The following PTH2R variants were observed in gnomAD, a reference collection of about 807,000 sequenced individuals.
The protein encoded by PTH2R is PTH2 receptor.
In PTH2R, 59 loss-of-function variants were observed where a neutral mutation model predicts 60.3. The ratio of observed to expected loss-of-function variants is 0.98; its 90% CI spans 0.79 to 1.22. PTH2R has a LOEUF of 1.22. Among genes scored for constraint, PTH2R ranks in the 50% most tolerant of loss-of-function variants. The probability of loss-of-function intolerance (pLI) is 0.00; values close to 1 mark genes in which losing one functional copy is unlikely to be tolerated. For missense variants in PTH2R, 749 were observed against 682.6 expected, an observed-to-expected ratio of 1.10 and a Z score of -1.08; for synonymous variants, 256 against 243.8, an observed-to-expected ratio of 1.05 and a Z score of -0.47.
At position 208,489,162 on chromosome 2, in the gene PTH2R, T is replaced by C; in HGVS notation, c.1215+12T>C. 6.2e-7 allele frequency: 1 copy of C among 1,613,710 alleles called. No homozygotes were observed. The highest frequency in any genetic ancestry group is 8.5e-7 in the Non-Finnish European group (1 of 1,179,818). ...TCAACTCCTTTCAGGTAAAGGGTGC[T>C]GCCTAGTCATCTGATTCTTGTAATT... On this transcript the variant is annotated intron_variant, in intron 11 of 12. Coordinates refer to ENST00000272847, the MANE Select transcript of PTH2R (RefSeq NM_005048.4).
intron 8 of PTH2R, among the ~76,000 whole-genome samples, chr2:208,459,498 G>C (rs1422518935): frequency 2.0e-5 from 3 of 152,112 alleles, no homozygotes; most frequent in Admixed American, 2.0e-4. Context: ...TAGAATTGCT[G>C]TAATGTCTGT....
Position 208,450,744 on chromosome 2 carries a change from T to G in PTH2R, c.854-5T>G, listed in dbSNP as rs774645661. On this transcript the variant is annotated splice_polypyrimidine_tract_variant and splice_region_variant and intron_variant, in intron 7 of 12. Transcript: ENST00000272847. ...TCTAGTCTCTGAATCATTTTCTGATTTCAGGGTTTCCAGCAGCATTTGTTG... is the reference window on the plus strand; with the variant it reads ...TCTAGTCTCTGAATCATTTTCTGATGTCAGGGTTTCCAGCAGCATTTGTTG... The G allele has an allele frequency of 8.7e-6, 14 of 1,613,666 alleles. No homozygotes were observed. The highest frequency in any genetic ancestry group is 1.2e-5 in the Non-Finnish European group (14 of 1,179,742).
At chr2:208,429,624 A>T (rs1318880791) in intron 2 of PTH2R, among the ~76,000 whole-genome samples, 1 of 152,126 alleles carries the variant, frequency 6.6e-6, no homozygotes, top group African/African-American at 2.4e-5. Flanking sequence ...TTTAATTGTG[A>T]TAAAATATAC....
In PTH2R at chr2:208,407,221, C is replaced by T. The variant is rs1574845349; in HGVS notation, c.75+103C>T. 8.8e-6 allele frequency: 9 copies of T among 1,019,930 alleles called. No homozygotes were observed. In the East Asian group the frequency reaches 2.7e-4, roughly 30 times the overall value. 63.2% of individuals were successfully genotyped at this position (1,019,930 alleles called of 1,614,324 possible). A position where few individuals can be genotyped will look rare whatever the true frequency, so the allele number is the denominator to read the frequency against. On this transcript the variant is annotated intron_variant, in intron 1 of 12. Coordinates refer to ENST00000272847, the MANE Select transcript of PTH2R (RefSeq NM_005048.4). ...GTGCGCGCGAGAGCTCATTCATGTT[C>T]ACACGTCCACAAACGCCCCGGCACG...
chr2:208,428,184 T>C lies in PTH2R; in HGVS notation c.76-17T>C. 6.4e-7 allele frequency: 1 copy of C among 1,570,054 alleles called. No homozygotes were observed. The highest frequency in any genetic ancestry group is 8.7e-7 in the Non-Finnish European group (1 of 1,143,278). On this transcript the variant is annotated splice_polypyrimidine_tract_variant and intron_variant, in intron 1 of 12. Coordinates refer to ENST00000272847, the MANE Select transcript of PTH2R (RefSeq NM_005048.4). ...AAAAACATGATGAAAATGTTTGTAT[T>C]TTGTTCACTTCTACAGCTGGATTCT...
rs1703480192 is a variant in PTH2R at position 208,494,146 on chromosome 2, A to T, written c.*487A>T. 6.6e-6 allele frequency: 1 copy of T among 152,504 alleles called. No individual in the cohort carries two copies. Among genetic ancestry groups the T allele is most frequent in the East Asian group, 1.9e-4 (1 of 5,188 alleles). 9.4% of individuals were successfully genotyped at this position (152,504 alleles called of 1,614,324 possible). Reference sequence around the variant, plus strand: ...AAAAAAATATATGGGAAGATAAAAGATCTAAGAACAAGTACTTGCTGGAAA... The same window carrying T: ...AAAAAAATATATGGGAAGATAAAAGTTCTAAGAACAAGTACTTGCTGGAAA... On this transcript the variant is annotated 3_prime_UTR_variant, in exon 13 of 13. Transcript: ENST00000272847.
chr2:208,481,972 C>A (rs150472804), intron 10 of PTH2R, among the ~76,000 whole-genome samples: 1 of 152,284 alleles, frequency 6.6e-6, no homozygotes, highest in East Asian at 1.9e-4. Flanking sequence ...GTGCATTTTG[C>A]ATAATTATCA....
At chr2:208,362,405 C>CAT (rs1020352754) in intron 1 of PTH2R, among the ~76,000 whole-genome samples, 47 of 152,072 alleles carry the variant, frequency 3.1e-4, no homozygotes, top group African/African-American at 1.0e-3. Flanking sequence ...ATAGATGTCT[C>CAT]ATATATATAT....
At position 208,494,427 on chromosome 2, in the gene PTH2R, A is replaced by G. The variant is rs1046885203; in HGVS notation, c.*768A>G. ...GTATTTTGATAGCAAATCATGCTGC[A>G]TCTATATCTTTTTCTTGTTTGAGCT... is the stretch of plus-strand genomic sequence containing the variant. On this transcript the variant is annotated 3_prime_UTR_variant, in exon 13 of 13. Transcript: ENST00000272847. 2 of 152,200 alleles carry G rather than the reference A, an allele frequency of 1.3e-5. No homozygotes were observed. The highest frequency in any genetic ancestry group is 6.5e-5 in the Admixed American group (1 of 15,284). The allele number at this position is 152,200 out of a possible 1,614,324, so 9.4% of individuals were successfully genotyped here.
intron 10 of PTH2R, among the ~76,000 whole-genome samples, chr2:208,481,377 AT>A (rs1703146272): frequency 1.3e-5 from 2 of 151,818 alleles, no homozygotes; most frequent in South Asian, 2.1e-4. Context: ...TATCCAGTTA[AT>A]TTTTGTATTT....
chr2:208,483,509 G>C (rs1703204408), intron 10 of PTH2R, among the ~76,000 whole-genome samples: 1 of 152,146 alleles, frequency 6.6e-6, no homozygotes, highest in African/African-American at 2.4e-5. Context: ...AAATTTTGGA[G>C]GGAACAAAGG....
chr2:208,447,567 G>A (rs1381898163), intron 7 of PTH2R, among the ~76,000 whole-genome samples: 1 of 144,102 alleles, frequency 6.9e-6, no homozygotes, highest in Non-Finnish European at 1.5e-5. Context: ...TAGCCTGGGT[G>A]ACAGAGCGAG....
chr2:208,458,618 C>T (rs1702563757), intron 8 of PTH2R, among the ~76,000 whole-genome samples: 1 of 152,016 alleles, frequency 6.6e-6, no homozygotes, highest in African/African-American at 2.4e-5. Flanking sequence ...CCCTCAAGTA[C>T]ACCCCAGTGT....
intron 1 of PTH2R, among the ~76,000 whole-genome samples, chr2:208,422,814 A>G (rs370200275): frequency 7.2e-5 from 11 of 152,192 alleles, no homozygotes; most frequent in African/African-American, 7.2e-5. Flanking sequence ...CACAACCAAG[A>G]TAATAATATT....
At chr2:208,428,165 A>T (rs1336959333) in intron 1 of PTH2R, 36 bp from the exon 2 acceptor site, 1 of 1,499,300 alleles carries the variant, frequency 6.7e-7, no homozygotes. Context: ...TTGAAAAAAC[A>T]TGATGAAAAT....
At chr2:208,455,839 C>G (rs1286438936) in intron 8 of PTH2R, among the ~76,000 whole-genome samples, 1 of 152,200 alleles carries the variant, frequency 6.6e-6, no homozygotes, top group Non-Finnish European at 1.5e-5. Context: ...CTGATTTTCT[C>G]TGCATCTTGG....
At chr2:208,361,329 G>C (rs1372091882) in intron 1 of PTH2R, 2 of 152,482 alleles carry the variant, frequency 1.3e-5, no homozygotes, top group African/African-American at 4.8e-5. Context: ...TGCGGCCCTT[G>C]CTCCAGGTTT....
chr2:208,481,123 G>C lies in PTH2R; in HGVS notation c.1035G>C (p.Trp345Cys). Reference sequence around the variant, plus strand: ...TTAGAGTTCTAGCTACCAAAATCTGGGAGACCAATGCAGTTGGGCATGACA... The same window carrying C: ...TTAGAGTTCTAGCTACCAAAATCTGCGAGACCAATGCAGTTGGGCATGACA... ...NTVRVLATKI[W>C]ETNAVGHDTR... The change falls in exon 10 of 13, where the codon TGG becomes TGC. Residue 345 changes from tryptophan to cysteine, a missense_variant. Transcript: ENST00000272847. 6.2e-7 allele frequency: 1 copy of C among 1,612,164 alleles called. No individual in the cohort carries two copies. The highest frequency in any genetic ancestry group is 1.1e-5 in the South Asian group (1 of 90,896).
chr2:208,391,426 G>T (rs1170691071), intron 1 of PTH2R, among the ~76,000 whole-genome samples: 2 of 152,142 alleles, frequency 1.3e-5, no homozygotes, highest in Non-Finnish European at 2.9e-5. Context: ...TGTTGAGCTG[G>T]TCCTTGGGCC....
Sources: allele counts gnomAD v4.1 joint callset (sites outside exome capture counted in the v4.1 genomes callset), GRCh38; gene constraint gnomAD v4.1.1; transcripts MANE v1.5; gene names NCBI Gene and HGNC (gene_info 2026-07-23, HGNC 2026-07-21).